C1orf167: variants seen among roughly 807,000 people sequenced by gnomAD.
C1orf167 encodes the protein uncharacterized protein C1orf167.
C1orf167 carries 153 observed loss-of-function variants against 176.5 expected under a neutral mutation model. The observed-to-expected ratio is 0.87, with a 90% CI of 0.76 to 0.99. The LOEUF (loss-of-function observed/expected upper bound fraction) is 0.99. Ranked by LOEUF, C1orf167 falls within the 50% of genes least tolerant of loss-of-function variation. The pLI is 0.00. For synonymous variants in C1orf167, 594 were observed against 752.7 expected, an observed-to-expected ratio of 0.79 and a Z score of 3.45; for missense variants, 1,490 against 1,817.7, an observed-to-expected ratio of 0.82 and a Z score of 3.28.
chr1:11,782,142 G>C, intron 13 of C1orf167, 47 bp from the exon 14 acceptor site: 1 of 1,227,378 alleles, frequency 8.1e-7, no homozygotes, highest in Non-Finnish European at 1.1e-6. Context: ...CATGGGGAGA[G>C]GCTGGGGTGA....
intron 16 of C1orf167, chr1:11,787,099 C>G (rs1643893459): frequency 5.6e-6 from 1 of 180,110 alleles, no homozygotes; most frequent in Admixed American, 5.5e-5. Context: ...GGCTCAGACT[C>G]TGGAGTCAGA....
At position 11,767,400 on chromosome 1, in the gene C1orf167, T is replaced by C. The variant is rs371865534; in HGVS notation, c.1343+136T>C. On this transcript the variant is annotated intron_variant, in intron 4 of 20. Coordinates refer to ENST00000688073, the MANE Select transcript of C1orf167 (RefSeq NM_001010881.2). Reference sequence around the variant, plus strand: ...AGGGTTTCAAGGAAGAGGAACTTACTACCTGTCCCTGCTGGGGGATGAAGG... The same window carrying C: ...AGGGTTTCAAGGAAGAGGAACTTACCACCTGTCCCTGCTGGGGGATGAAGG... 8.9e-5 allele frequency: 65 copies of C among 733,374 alleles called. No individual in the cohort carries two copies. The East Asian group carries it at 4.0e-3, about 45-fold the overall frequency. The allele number at this position is 733,374 out of a possible 1,614,324, so 45.4% of individuals were successfully genotyped here.
Position 11,778,836 on chromosome 1 carries a change from G to A in C1orf167, c.2496+20G>A. 7.7e-7 allele frequency: 1 copy of A among 1,295,856 alleles called. No homozygotes were observed. Among genetic ancestry groups the A allele is most frequent in the Non-Finnish European group, 1.0e-6 (1 of 982,006 alleles). 80.3% of individuals were successfully genotyped at this position (1,295,856 alleles called of 1,614,324 possible). On this transcript the variant is annotated intron_variant, in intron 11 of 20. Coordinates refer to ENST00000688073, the MANE Select transcript of C1orf167 (RefSeq NM_001010881.2). ...GAGAAGGTGAGAGGTAGGAGGGTGGGGAGGGGCTGGGGCAGGTAGGGGTGG... is the reference window on the plus strand; with the variant it reads ...GAGAAGGTGAGAGGTAGGAGGGTGGAGAGGGGCTGGGGCAGGTAGGGGTGG...
In C1orf167 at chr1:11,771,531, A is replaced by G; in HGVS notation, c.1705A>G (p.Ser569Gly). 7.8e-7 allele frequency: 1 copy of G among 1,289,648 alleles called. No individual in the cohort carries two copies. 79.9% of individuals were successfully genotyped at this position (1,289,648 alleles called of 1,614,324 possible). A position where few individuals can be genotyped will look rare whatever the true frequency, so the allele number is the denominator to read the frequency against. The stretch of plus-strand genomic sequence containing the variant: ...GGGCAACTTTGCTTTTAGTCCAGGA[A>G]GTCTGAGGGAGGAGGAGATTGCTCA... ...RSRLEHTSPG[S>G]LREEEIAQRL... The change falls in exon 7 of 21, where the codon AGT (serine) becomes GGT (glycine). Residue 569 changes from serine (S) to glycine (G), a missense_variant. Coordinates refer to ENST00000688073, the MANE Select transcript of C1orf167 (RefSeq NM_001010881.2).
In C1orf167 at chr1:11,775,151, T is replaced by C. The variant is rs111388567; in HGVS notation, c.1989-284T>C. ...AATACAAAAAAAAATTAGCCGGGCA[T>C]GGTGGTGCATGCTTGTAGTCCCAGC... is the stretch of plus-strand genomic sequence containing the variant. On this transcript the variant is annotated intron_variant, in intron 8 of 20. Coordinates refer to ENST00000688073, the MANE Select transcript of C1orf167 (RefSeq NM_001010881.2). Among the ~76,000 whole-genome samples, 378 of 152,088 alleles carry C rather than the reference T, an allele frequency of 2.5e-3. 1 individual carries two copies. Among genetic ancestry groups the C allele is most frequent in the African/African-American group, 8.7e-3 (362 of 41,446 alleles).
At position 11,764,478 on chromosome 1, in the gene C1orf167, G is replaced by T; in HGVS notation, c.70+8G>T. On this transcript the variant is annotated splice_region_variant and intron_variant, in intron 2 of 20. Coordinates refer to ENST00000688073, the MANE Select transcript of C1orf167 (RefSeq NM_001010881.2). ...CAGCGCTCCCGAAGCCAGGCAAGAG[G>T]CTTAGTGGGCCTGGATGGGCAGTTA... is the stretch of plus-strand genomic sequence containing the variant. 1.6e-6 allele frequency: 2 copies of T among 1,289,314 alleles called. No homozygotes were observed. Among genetic ancestry groups the T allele is most frequent in the African/African-American group, 1.5e-5 (1 of 65,998 alleles). 79.9% of individuals were successfully genotyped at this position (1,289,314 alleles called of 1,614,324 possible).
At chr1:11,789,200 T>C (rs1644003977) in intron 20 of C1orf167, 70 bp from the exon 21 acceptor site, 5 of 1,261,620 alleles carry the variant, frequency 4.0e-6, no homozygotes, top group Non-Finnish European at 5.2e-6. Flanking sequence ...CAGGGGTTGC[T>C]CTAGCAGGCA....
chr1:11,763,407 T>C (rs537063099), intron 1 of C1orf167, among the ~76,000 whole-genome samples: 2 of 150,038 alleles, frequency 1.3e-5, no homozygotes, highest in South Asian at 2.1e-4. Context: ...ATCACGCCAT[T>C]GTACCAGCCT....
At chr1:11,762,504 GATTGAGC>G (rs1642559252) in intron 1 of C1orf167, among the ~76,000 whole-genome samples, 199 bp downstream of exon 1, 1 of 152,200 alleles carries the variant, frequency 6.6e-6, no homozygotes, top group African/African-American at 2.4e-5. Context: ...GTCTCCTGTG[GATTGAGC>G]GGCCTCAAGT....
rs1642785301 is a variant in C1orf167 at position 11,766,212 on chromosome 1, C to A, written c.426C>A (p.Ser142Arg). Residue 142 changes from serine (S) to arginine (R), a missense_variant, in exon 3 of 21, where the codon AGC becomes AGA. Transcript: ENST00000688073. This position sits in a 1 kb window ranked among gnomAD's most constrained non-coding sequence, Gnocchi z 4.5. Reference sequence around the variant, plus strand: ...ACCTCTGCCCAGAGCCTGGGGGAAGCTCTGGGCCCCACAAGCTTCCCTGGG... The same window carrying A: ...ACCTCTGCCCAGAGCCTGGGGGAAGATCTGGGCCCCACAAGCTTCCCTGGG... ...SPHLCPEPGGSSGPHKLPWGP... is the reference protein window; with the variant it reads ...SPHLCPEPGGRSGPHKLPWGP... 1 of 1,289,590 alleles carries A rather than the reference C, an allele frequency of 7.8e-7. No homozygotes were observed. Among genetic ancestry groups the A allele is most frequent in the Non-Finnish European group, 1.0e-6 (1 of 988,814 alleles). The allele number at this position is 1,289,590 out of a possible 1,614,324, so 79.9% of individuals were successfully genotyped here. A position where few individuals can be genotyped will look rare whatever the true frequency, so the allele number is the denominator to read the frequency against.
intron 14 of C1orf167, among the ~76,000 whole-genome samples, chr1:11,782,719 G>A (rs1000164983): frequency 2.0e-5 from 3 of 152,162 alleles, no homozygotes; most frequent in South Asian, 2.1e-4. Flanking sequence ...TCAGGAGTTC[G>A]AGACCAGCCT....
intron 20 of C1orf167, 161 bp from the exon 21 acceptor site, chr1:11,789,109 A>G (rs938504675): frequency 3.4e-6 from 2 of 593,152 alleles, no homozygotes; most frequent in Admixed American, 7.4e-5. Context: ...ATCTATTCTG[A>G]GCTTGTGCAT....
intron 16 of C1orf167, 97 bp from the exon 17 acceptor site, chr1:11,787,291 T>C: frequency 1.7e-6 from 1 of 603,906 alleles, no homozygotes; most frequent in Non-Finnish European, 2.4e-6. Context: ...GAGGCCGGGA[T>C]GTGTCCTGCC....
chr1:11,779,086 G>A lies in C1orf167; in HGVS notation c.2651+6G>A, dbSNP rs1376483825. The A allele has an allele frequency of 9.7e-6, 12 of 1,232,500 alleles. No individual in the cohort carries two copies. Among genetic ancestry groups the A allele is most frequent in the Non-Finnish European group, 1.3e-5 (12 of 957,276 alleles). The allele number at this position is 1,232,500 out of a possible 1,614,324, so 76.3% of individuals were successfully genotyped here. On this transcript the variant is annotated splice_donor_region_variant and intron_variant, in intron 12 of 20. Transcript: ENST00000688073. ...CAGCATACCCGCCAGAGGCGGTAGG[G>A]ATCCCTCCCCATCCGCCCGCCACTC... is the stretch of plus-strand genomic sequence containing the variant.
At position 11,766,833 on chromosome 1, in the gene C1orf167, C is replaced by T. The variant is rs1642821651; in HGVS notation, c.1047C>T (p.His349=). 1.6e-6 allele frequency: 2 copies of T among 1,287,972 alleles called. No individual in the cohort carries two copies. Among genetic ancestry groups the T allele is most frequent in the Non-Finnish European group, 1.0e-6 (1 of 987,752 alleles). 79.8% of individuals were successfully genotyped at this position (1,287,972 alleles called of 1,614,324 possible). A position where few individuals can be genotyped will look rare whatever the true frequency, so the allele number is the denominator to read the frequency against. The change falls in exon 3 of 21, where the codon CAC becomes CAT. Residue 349 remains histidine (H), a synonymous_variant. Transcript: ENST00000688073. The surrounding 1 kb of genome is among the most constrained non-coding windows in gnomAD (Gnocchi z 4.5). The stretch of plus-strand genomic sequence containing the variant: ...CTGAGCAGGGGCTCCCTCCTGCCCA[C>T]CCCCTAGGGTCAGGGGACAGCTGCT... ...LNPEQGLPPA[H]PLGSGDSCSP...
rs374366683 is a variant in C1orf167, at chr1:11,766,606, G to A, written c.820G>A (p.Gly274Ser). 1.9e-4 allele frequency: 242 copies of A among 1,278,320 alleles called. 1 individual carries two copies. The East Asian group carries it at 6.4e-3, about 34-fold the overall frequency. The allele number at this position is 1,278,320 out of a possible 1,614,324, so 79.2% of individuals were successfully genotyped here. Residue 274 changes from glycine (G) to serine (S), a missense_variant, in exon 3 of 21, where the codon GGC becomes AGC. Coordinates refer to ENST00000688073, the MANE Select transcript of C1orf167 (RefSeq NM_001010881.2). The surrounding 1 kb of genome is among the most constrained non-coding windows in gnomAD (Gnocchi z 4.5). ...TGTGCAGCAGGACCTCTGGACCGGC[G>A]GCGGCCAGCCATTCTCCGCCCACCC... ...GAVQQDLWTG[G>S]GQPFSAHPQP...
intron 14 of C1orf167, among the ~76,000 whole-genome samples, chr1:11,783,059 G>A (rs1029132660): frequency 6.6e-6 from 1 of 152,016 alleles, no homozygotes; most frequent in Admixed American, 6.6e-5. Flanking sequence ...AAGTAAAGAT[G>A]TTCTGGTGGA....
chr1:11,768,071 C>T lies in C1orf167; in HGVS notation c.1344-6C>T. On this transcript the variant is annotated splice_polypyrimidine_tract_variant and splice_region_variant and intron_variant, in intron 4 of 20. Transcript: ENST00000688073. This position sits in a 1 kb window ranked among gnomAD's most constrained non-coding sequence, Gnocchi z 4.5. ...CACACCCTGATCAGCCCTGGTCTGT[C>T]CCCAGCTGGCAGCTGTTGTCCAGAT... 7.8e-7 allele frequency: 1 copy of T among 1,282,138 alleles called. No individual in the cohort carries two copies. Among genetic ancestry groups the T allele is most frequent in the Non-Finnish European group, 1.0e-6 (1 of 984,866 alleles). 79.4% of individuals were successfully genotyped at this position (1,282,138 alleles called of 1,614,324 possible). A position where few individuals can be genotyped will look rare whatever the true frequency, so the allele number is the denominator to read the frequency against.
At chr1:11,771,954 T>C (rs1643100505) in intron 7 of C1orf167, 128 bp from the exon 8 acceptor site, 9 of 668,800 alleles carry the variant, frequency 1.3e-5, no homozygotes, top group Admixed American at 3.7e-5. Context: ...GTATTGGAGC[T>C]AGACTTCACT....
Sources: allele counts gnomAD v4.1 joint callset (sites outside exome capture counted in the v4.1 genomes callset), GRCh38; gene constraint gnomAD v4.1.1; non-coding constraint Gnocchi (gnomAD v3.1); transcripts MANE v1.5; gene names NCBI Gene and HGNC (gene_info 2026-07-23, HGNC 2026-07-21).